The following PDE11A variants were observed in gnomAD, a reference collection of about 807,000 sequenced individuals.
The protein encoded by PDE11A is phosphodiesterase 11A.
PDE11A carries 100 observed loss-of-function variants against 100.5 expected under a neutral mutation model. The ratio of observed to expected loss-of-function variants is 1.00; its 90% CI spans 0.85 to 1.18. PDE11A has a LOEUF of 1.18. Among genes scored for constraint, PDE11A ranks in the 50% most tolerant of loss-of-function variants. PDE11A has a pLI of 0.00. For missense variants in PDE11A, 1,141 were observed against 1,152.6 expected, an observed-to-expected ratio of 0.99 and a Z score of 0.15; for synonymous variants, 381 against 420.8, an observed-to-expected ratio of 0.91 and a Z score of 1.16.
At chr2:177,919,874 T>G (rs560503365) in intron 2 of PDE11A, among the ~76,000 whole-genome samples, 136 of 152,192 alleles carry the variant, frequency 8.9e-4, no homozygotes, top group African/African-American at 3.0e-3. Context: ...AGGAACCAAT[T>G]GTAAGGTTAT....
chr2:177,817,262 T>C (rs932933002), intron 8 of PDE11A, among the ~76,000 whole-genome samples: 2 of 152,236 alleles, frequency 1.3e-5, no homozygotes, highest in Non-Finnish European at 2.9e-5. Flanking sequence ...CAAAGCAACC[T>C]CTTTTAGTTG....
intron 3 of PDE11A, among the ~76,000 whole-genome samples, chr2:177,903,048 C>A (rs1385718694): frequency 6.6e-6 from 1 of 152,182 alleles, no homozygotes; most frequent in East Asian, 1.9e-4. Flanking sequence ...AAAGCCAAAG[C>A]CCTTGCCATG....
chr2:178,019,551 A>T (rs1286596902), intron 1 of PDE11A, among the ~76,000 whole-genome samples: 5 of 152,324 alleles, frequency 3.3e-5, no homozygotes, highest in African/African-American at 1.2e-4. Context: ...ATGTAGTAAA[A>T]TATTAAGATT....
intron 7 of PDE11A, among the ~76,000 whole-genome samples, chr2:177,819,867 T>TC (rs1553478517): frequency 2.2e-3 from 267 of 119,308 alleles, no homozygotes; most frequent in African/African-American, 7.0e-3. Context: ...TCTTTCTCTC[T>TC]TTCTCTCTCT....
At chr2:177,757,768 C>T (rs1174544804) in intron 10 of PDE11A, among the ~76,000 whole-genome samples, 1 of 152,036 alleles carries the variant, frequency 6.6e-6, no homozygotes, top group Non-Finnish European at 1.5e-5. Context: ...GATGCTGGGG[C>T]CCCCAGCCTG....
At chr2:177,937,602 C>T (rs13002209) in intron 2 of PDE11A, among the ~76,000 whole-genome samples, 15,912 of 152,216 alleles carry the variant, frequency 0.1, 1,144 homozygotes, top group Non-Finnish European at 0.15. Flanking sequence ...CAGGCGTGAG[C>T]CACCGCGTCC....
chr2:177,750,400 A>G (rs573737761), intron 10 of PDE11A, among the ~76,000 whole-genome samples: 2 of 152,370 alleles, frequency 1.3e-5, no homozygotes, highest in Admixed American at 6.5e-5. Flanking sequence ...TATTGCAACT[A>G]TTATTTAATG....
chr2:177,664,331 G>A (rs2080535998), intron 18 of PDE11A, among the ~76,000 whole-genome samples: 1 of 152,122 alleles, frequency 6.6e-6, no homozygotes, highest in Non-Finnish European at 1.5e-5. Flanking sequence ...CATTATGAGA[G>A]GTTGGGATAG....
Position 177,867,126 on chromosome 2 carries a change from G to T in PDE11A, c.1367+8733C>A, listed in dbSNP as rs547002455. 1.0e-3 allele frequency among the ~76,000 whole-genome samples: 157 copies of T among 152,270 alleles called. 2 individuals carry two copies. Among genetic ancestry groups the T allele is most frequent in the Middle Eastern group, 0.01 (3 of 294 alleles). ...GTATTTATATACACTACCTAGGTTT[G>T]GATATTTTTGTCACGGATTGCATTA... On this transcript the variant is annotated intron_variant, in intron 5 of 19. Transcript: ENST00000286063.
At chr2:177,789,497 G>C (rs544076691) in intron 9 of PDE11A, among the ~76,000 whole-genome samples, 27 of 151,522 alleles carry the variant, frequency 1.8e-4, no homozygotes, top group Admixed American at 5.3e-4. Flanking sequence ...GATGCCCTCT[G>C]TCACCACTCC....
intron 2 of PDE11A, among the ~76,000 whole-genome samples, chr2:178,000,722 A>G (rs13023049): frequency 0.056 from 8,463 of 152,292 alleles, 297 homozygotes; most frequent in South Asian, 0.093. Flanking sequence ...TTTTTCTTAC[A>G]GACACAAAGC....
intron 2 of PDE11A, among the ~76,000 whole-genome samples, chr2:177,925,518 A>G (rs2085114456): frequency 6.6e-6 from 1 of 152,156 alleles, no homozygotes; most frequent in South Asian, 2.1e-4. Context: ...TTGGCTGCAT[A>G]AATGTCTTCT....
intron 17 of PDE11A, 79 bp downstream of exon 17, chr2:177,675,376 C>A: frequency 2.0e-6 from 2 of 1,024,170 alleles, no homozygotes; most frequent in East Asian, 2.4e-5. Flanking sequence ...GCCTGGTAGT[C>A]AGGGCTCTGG....
At chr2:177,709,449 G>A (rs866730120) in intron 13 of PDE11A, among the ~76,000 whole-genome samples, 2 of 152,150 alleles carry the variant, frequency 1.3e-5, no homozygotes, top group Admixed American at 1.3e-4. Context: ...CATTCCTTGG[G>A]GTAGAGAATA....
chr2:177,843,861 G>A (rs970981354), intron 5 of PDE11A, among the ~76,000 whole-genome samples: 5 of 152,208 alleles, frequency 3.3e-5, no homozygotes, highest in Non-Finnish European at 5.9e-5. Flanking sequence ...CAAGTCAACT[G>A]TACCAATCAC....
At chr2:177,875,814 A>T in intron 5 of PDE11A, 45 bp downstream of exon 5, 1 of 1,266,334 alleles carries the variant, frequency 7.9e-7, no homozygotes, top group East Asian at 2.3e-5. Context: ...GCTAACACCA[A>T]GGACAAAAGA....
intron 19 of PDE11A, among the ~76,000 whole-genome samples, chr2:177,635,189 G>C (rs2080021399): frequency 6.6e-6 from 1 of 152,200 alleles, no homozygotes; most frequent in African/African-American, 2.4e-5. Context: ...CTATACCCCT[G>C]TAACTTCTAC....
intron 9 of PDE11A, among the ~76,000 whole-genome samples, chr2:177,813,465 C>G (rs2105573865): frequency 6.6e-6 from 1 of 152,040 alleles, no homozygotes; most frequent in Middle Eastern, 3.4e-3. Flanking sequence ...AAAGTTAAAG[C>G]CCTATTTTTT....
intron 5 of PDE11A, among the ~76,000 whole-genome samples, chr2:177,857,549 G>A (rs1033774377): frequency 6.6e-6 from 1 of 151,902 alleles, no homozygotes; most frequent in African/African-American, 2.4e-5. Context: ...GAAGGGGTAG[G>A]GAACAAAGCT....
Sources: gnomAD v4.1 joint callset for allele counts (sites outside exome capture counted in the v4.1 genomes callset) on GRCh38, gnomAD v4.1.1 for gene constraint, MANE v1.5 for transcripts, NCBI Gene and HGNC (gene_info 2026-07-23, HGNC 2026-07-21) for gene names.